HNF1B: variants seen among roughly 807,000 people sequenced by gnomAD.
The protein encoded by HNF1B is HNF1 homeobox B.
A neutral mutation model predicts 61.7 loss-of-function variants in HNF1B; 8 were observed. That is an observed-to-expected ratio of 0.13 (90% CI 0.08 to 0.23). HNF1B has a LOEUF of 0.23. Ranked by LOEUF, HNF1B falls within the 10% of genes least tolerant of loss-of-function variation. HNF1B has a pLI of 1.00. For synonymous variants in HNF1B, 314 were observed against 287.7 expected (o/e 1.09, Z -0.93); for missense variants, 562 against 714.5 (o/e 0.79, Z 2.43).
intron 8 of HNF1B, among the ~76,000 whole-genome samples, chr17:37,696,055 C>T (rs1207429272): frequency 3.3e-5 from 5 of 152,184 alleles, no homozygotes; most frequent in South Asian, 2.1e-4. Flanking sequence ...AAATGTGATT[C>T]CCAGTGTTGG....
At chr17:37,730,635 G>A (rs1239246779) in intron 4 of HNF1B, 1 of 152,304 alleles carries the variant, frequency 6.6e-6, no homozygotes, top group Non-Finnish European at 1.5e-5. Context: ...TCATCAGAAG[G>A]GCAACCGACA....
intron 5 of HNF1B, among the ~76,000 whole-genome samples, chr17:37,707,783 T>A (rs1333169005): frequency 2.0e-5 from 3 of 149,220 alleles, no homozygotes; most frequent in African/African-American, 7.3e-5. Context: ...TTTTTTTTTT[T>A]AAAGGTTCGA....
At position 37,743,524 on chromosome 17, in the gene HNF1B, C is replaced by T. The variant is rs561960400; in HGVS notation, c.344+1017G>A. Reference sequence around the variant, plus strand: ...AATTCAAATGCAAGGTCATATCCCACCCCAAACCGCCGCTGCGGACGTGCG... The same window carrying T: ...AATTCAAATGCAAGGTCATATCCCATCCCAAACCGCCGCTGCGGACGTGCG... On this transcript the variant is annotated intron_variant, in intron 1 of 8. Coordinates refer to ENST00000617811, the MANE Select transcript of HNF1B (RefSeq NM_000458.4). Among the ~76,000 whole-genome samples, 5 of 152,388 alleles carry T rather than the reference C, an allele frequency of 3.3e-5. No individual in the cohort carries two copies. In the East Asian group the frequency reaches 9.6e-4, roughly 29 times the overall value.
intron 3 of HNF1B, among the ~76,000 whole-genome samples, chr17:37,733,037 C>T (rs192295174): frequency 1.3e-5 from 2 of 152,210 alleles, no homozygotes; most frequent in Admixed American, 1.3e-4. Flanking sequence ...GTGGACTGAA[C>T]AGATCTGACC....
chr17:37,707,116 A>AT (rs1362484805), intron 5 of HNF1B, among the ~76,000 whole-genome samples: 1 of 120,904 alleles, frequency 8.3e-6, no homozygotes, highest in Non-Finnish European at 1.9e-5. Context: ...TATTATTTTT[A>AT]ATTTTTTTTT....
At chr17:37,691,572 T>C (rs1471008105) in intron 8 of HNF1B, among the ~76,000 whole-genome samples, 1 of 152,212 alleles carries the variant, frequency 6.6e-6, no homozygotes, top group African/African-American at 2.4e-5. Context: ...TTCCATGGGC[T>C]GGGTGTTTCC....
chr17:37,708,431 A>G (rs967831980), intron 5 of HNF1B, among the ~76,000 whole-genome samples: 3 of 152,194 alleles, frequency 2.0e-5, no homozygotes, highest in Admixed American at 6.5e-5. Context: ...ACAGGAAGCA[A>G]AAAGCGTGTC....
At chr17:37,721,986 T>C (rs551256988) in intron 4 of HNF1B, among the ~76,000 whole-genome samples, 1 of 152,280 alleles carries the variant, frequency 6.6e-6, no homozygotes, top group South Asian at 2.1e-4. Context: ...CGAAAGTTCT[T>C]ATGCCTGTGA....
intron 4 of HNF1B, chr17:37,729,464 G>GAAAGGC (rs1243229640): frequency 7.0e-6 from 1 of 143,240 alleles, no homozygotes; most frequent in Non-Finnish European, 1.5e-5. Context: ...AAAGACAGAA[G>GAAAGGC]AAAGGCAGCC....
chr17:37,696,492 T>C (rs577410607), intron 8 of HNF1B, among the ~76,000 whole-genome samples: 53 of 152,152 alleles, frequency 3.5e-4, no homozygotes, highest in African/African-American at 1.2e-3. Flanking sequence ...CTCTCCCTTC[T>C]CCCTCCTGCT....
At chr17:37,717,503 T>C (rs937188731) in intron 4 of HNF1B, among the ~76,000 whole-genome samples, 1 of 152,184 alleles carries the variant, frequency 6.6e-6, no homozygotes, top group Non-Finnish European at 1.5e-5. Flanking sequence ...ACTATGTTCA[T>C]TGTTCATAAA....
At chr17:37,707,297 G>A (rs932750768) in intron 5 of HNF1B, among the ~76,000 whole-genome samples, 8 of 151,780 alleles carry the variant, frequency 5.3e-5, no homozygotes, top group Non-Finnish European at 1.0e-4. Context: ...TTTATTTTTT[G>A]TAGGGACAGG....
intron 4 of HNF1B, among the ~76,000 whole-genome samples, chr17:37,727,995 G>T (rs966417602): frequency 2.6e-5 from 4 of 151,706 alleles, no homozygotes; most frequent in African/African-American, 7.3e-5. Flanking sequence ...AGTTTTTTTT[G>T]TTGTTTTTTT....
rs1377389975 is a variant in HNF1B, at chr17:37,710,631, T to C, written c.1078A>G (p.Ile360Val). ...VRYSQQGNNE[I>V]TSSSTISHHG... The stretch of plus-strand genomic sequence containing the variant: ...TGACTGATTGTTGAGGAGGAAGTGA[T>C]CTCATTGTTTCCCTGCTGGCTGTAG... The change falls in exon 5 of 9, where the codon ATC (isoleucine) becomes GTC (valine). Residue 360 changes from isoleucine to valine, a missense_variant. By Grantham distance (29) the Ile-to-Val change is conservative. This residue lies in a region of HNF1B where 211 missense variants were observed against 200.7 expected (regional missense o/e 1.05). Coordinates refer to ENST00000617811, the MANE Select transcript of HNF1B (RefSeq NM_000458.4). 6.2e-7 allele frequency: 1 copy of C among 1,614,036 alleles called. No individual in the cohort carries two copies. Among genetic ancestry groups the C allele is most frequent in the South Asian group, 1.1e-5 (1 of 91,078 alleles).
At chr17:37,734,403 C>A (rs1422289165) in intron 2 of HNF1B, among the ~76,000 whole-genome samples, 1 of 152,172 alleles carries the variant, frequency 6.6e-6, no homozygotes, top group Non-Finnish European at 1.5e-5. Flanking sequence ...TGCTTTAGAT[C>A]TCAAAATAAT....
intron 4 of HNF1B, among the ~76,000 whole-genome samples, chr17:37,715,975 T>C (rs1303449629): frequency 6.6e-6 from 1 of 152,004 alleles, no homozygotes; most frequent in African/African-American, 2.4e-5. Context: ...CTACTAAACA[T>C]ACAAAAATTA....
At chr17:37,692,182 G>A (rs1042751294) in intron 8 of HNF1B, among the ~76,000 whole-genome samples, 6 of 152,176 alleles carry the variant, frequency 3.9e-5, no homozygotes, top group African/African-American at 4.8e-5. Flanking sequence ...TTCTTGGCGC[G>A]AGAAGTCCCA....
At position 37,705,609 on chromosome 17, in the gene HNF1B, T is replaced by C. The variant is rs537334225; in HGVS notation, c.1207-560A>G. Among the ~76,000 whole-genome samples, 5 of 152,380 alleles carry C rather than the reference T, an allele frequency of 3.3e-5. No homozygotes were observed. The East Asian group carries it at 9.6e-4, about 29-fold the overall frequency. On this transcript the variant is annotated intron_variant, in intron 5 of 8. Coordinates refer to ENST00000617811, the MANE Select transcript of HNF1B (RefSeq NM_000458.4). Reference sequence around the variant, plus strand: ...TAATGACAGATTAGTATGAGAAAGCTACTGATTTTGGTGTATTTACTTTGT... The same window carrying C: ...TAATGACAGATTAGTATGAGAAAGCCACTGATTTTGGTGTATTTACTTTGT...
chr17:37,708,059 C>A (rs977966551), intron 5 of HNF1B, among the ~76,000 whole-genome samples: 14 of 152,142 alleles, frequency 9.2e-5, no homozygotes, highest in African/African-American at 3.4e-4. Context: ...GCATCATTAT[C>A]CCCCATTTTA....
Sources: gnomAD v4.1 joint callset for allele counts (sites outside exome capture counted in the v4.1 genomes callset) on GRCh38, gnomAD v4.1.1 for gene constraint, gnomAD v4.1.1 regional missense constraint, MANE v1.5 for transcripts, NCBI Gene and HGNC (gene_info 2026-07-23, HGNC 2026-07-21) for gene names.